The following PTCD2 variants were observed in gnomAD, a reference collection of about 807,000 sequenced individuals.
PTCD2 encodes pentatricopeptide repeat-containing protein 2, mitochondrial.
A neutral mutation model predicts 42.6 loss-of-function variants in PTCD2; 31 were observed. The observed-to-expected ratio is 0.73, with a 90% confidence interval of 0.55 to 0.98. The LOEUF is 0.98. Among genes scored for constraint, PTCD2 ranks in the 50% least tolerant of loss-of-function variants. The pLI, the probability that PTCD2 is intolerant of heterozygous loss-of-function variation, is 0.00. For missense variants in PTCD2, 476 were observed against 454.8 expected, an observed-to-expected ratio of 1.05 and a Z score of -0.42; for synonymous variants, 183 against 170.9, an observed-to-expected ratio of 1.07 and a Z score of -0.55.
chr5:72,349,439 G>A (rs1350045634), intron 8 of PTCD2, among the ~76,000 whole-genome samples: 1 of 152,168 alleles, frequency 6.6e-6, no homozygotes, highest in Non-Finnish European at 1.5e-5. Flanking sequence ...GAAAAAGGAG[G>A]AGAGAATGGA....
intron 3 of PTCD2, among the ~76,000 whole-genome samples, chr5:72,330,218 G>T (rs1277510432): frequency 6.6e-6 from 1 of 152,024 alleles, no homozygotes; most frequent in East Asian, 1.9e-4. Context: ...GGGATTACAG[G>T]TGTGAGCCAC....
chr5:72,358,312 A>T lies in PTCD2; in HGVS notation c.1052A>T (p.Asp351Val), dbSNP rs1462544623. The change falls in exon 10 of 10, where the codon GAT becomes GTT. Residue 351 changes from aspartate (D) to valine (V), a missense_variant. Asp to Val is a radical substitution (Grantham distance 152). Coordinates refer to ENST00000380639, the MANE Select transcript of PTCD2 (RefSeq NM_024754.5). ...ITGQVTTDSL[D>V]AVLCHTPRDR... is the part of the protein sequence containing the mutation. ...GGCCAGGTCACCACTGATTCTTTGG[A>T]TGCTGTGCTCTGCCACACCCCCAGG... 6.2e-7 allele frequency: 1 copy of T among 1,613,978 alleles called. No individual in the cohort carries two copies. Among genetic ancestry groups the T allele is most frequent in the South Asian group, 1.1e-5 (1 of 91,072 alleles).
intron 2 of PTCD2, among the ~76,000 whole-genome samples, chr5:72,323,706 G>A (rs1482982278): frequency 4.6e-5 from 7 of 152,164 alleles, no homozygotes; most frequent in Admixed American, 4.6e-4. Context: ...CTGGAGTGCA[G>A]TTGGCACCAT....
At chr5:72,351,860 G>A (rs1011599847) in intron 8 of PTCD2, among the ~76,000 whole-genome samples, 2 of 152,138 alleles carry the variant, frequency 1.3e-5, no homozygotes, top group Non-Finnish European at 2.9e-5. Context: ...GAGATTGATT[G>A]TCATATCCTC....
At chr5:72,357,783 A>G (rs1283168199) in intron 9 of PTCD2, among the ~76,000 whole-genome samples, 2 of 151,320 alleles carry the variant, frequency 1.3e-5, no homozygotes, top group Admixed American at 6.6e-5. Context: ...GGAATCCCTC[A>G]TAGTAATACT....
At chr5:72,327,381 G>C (rs1285561644) in intron 3 of PTCD2, among the ~76,000 whole-genome samples, 1 of 152,152 alleles carries the variant, frequency 6.6e-6, no homozygotes, top group Non-Finnish European at 1.5e-5. Context: ...GCCAGCAAAG[G>C]CTTCGCTTAC....
intron 7 of PTCD2, among the ~76,000 whole-genome samples, chr5:72,340,645 G>A (rs146944166): frequency 2.6e-5 from 4 of 152,166 alleles, no homozygotes; most frequent in Admixed American, 6.6e-5. Flanking sequence ...ATTCTTTGGA[G>A]GAATGATATC....
chr5:72,326,159 A>C (rs1452075428), intron 2 of PTCD2, among the ~76,000 whole-genome samples: 1 of 152,016 alleles, frequency 6.6e-6, no homozygotes. Context: ...CCTACCTTCA[A>C]CTCACATTTT....
chr5:72,326,838 A>G, intron 3 of PTCD2, 97 bp downstream of exon 3: 1 of 1,220,948 alleles, frequency 8.2e-7, no homozygotes, highest in Non-Finnish European at 1.2e-6. Flanking sequence ...TGCCACCTCT[A>G]TACTAGTGAC....
rs1052285925 is a variant in PTCD2 at position 72,335,607 on chromosome 5, A to G, written c.548-187A>G. The G allele has an allele frequency of 1.4e-4, 66 of 469,086 alleles. 1 individual carries two copies. The highest frequency in any genetic ancestry group is 4.6e-4 in the Admixed American group (12 of 26,276). 29.1% of individuals were successfully genotyped at this position (469,086 alleles called of 1,614,324 possible). A position where few individuals can be genotyped will look rare whatever the true frequency, so the allele number is the denominator to read the frequency against. ...GCTAAAATTGTGAAGCAGCTTTTAA[A>G]ACATTAGTTCTTCCTGTTTGACTTG... On this transcript the variant is annotated intron_variant, in intron 5 of 9. Transcript: ENST00000380639.
In PTCD2 at chr5:72,322,201, G is replaced by A. The variant is rs1413122864; in HGVS notation, c.157G>A (p.Val53Met). The stretch of plus-strand genomic sequence containing the variant: ...AAGATACCTACTTACAGATAATGTG[G>A]TGAAATTAAAAGAATTTCAACAAAA... The part of the protein sequence containing the change: ...AKRYLLTDNV[V>M]KLKEFQQKKV... Residue 53 changes from valine to methionine, a missense_variant, in exon 2 of 10, where the codon GTG (valine) becomes ATG (methionine). Transcript: ENST00000380639. 9 of 1,597,470 alleles carry A rather than the reference G, an allele frequency of 5.6e-6. No homozygotes were observed. The South Asian group carries it at 8.8e-5, about 16-fold the overall frequency.
At chr5:72,347,150 G>T (rs536865584) in intron 8 of PTCD2, among the ~76,000 whole-genome samples, 8 of 152,126 alleles carry the variant, frequency 5.3e-5, no homozygotes, top group Non-Finnish European at 2.9e-5. Context: ...GCAGAGTCAG[G>T]GTTTTAACAC....
intron 8 of PTCD2, among the ~76,000 whole-genome samples, chr5:72,345,470 G>A (rs1203431180): frequency 2.6e-5 from 4 of 152,166 alleles, no homozygotes; most frequent in East Asian, 1.9e-4. Context: ...AGAAGATGAC[G>A]GGATTAAGAG....
chr5:72,332,087 C>G (rs988544416), intron 4 of PTCD2, among the ~76,000 whole-genome samples: 1 of 152,196 alleles, frequency 6.6e-6, no homozygotes, highest in African/African-American at 2.4e-5. Context: ...GACTGCTTTT[C>G]ATGAGGCTGT....
At chr5:72,332,310 T>C (rs1369979206) in intron 4 of PTCD2, among the ~76,000 whole-genome samples, 1 of 152,212 alleles carries the variant, frequency 6.6e-6, no homozygotes, top group Non-Finnish European at 1.5e-5. Context: ...ATACCCATAA[T>C]ATATTAGTAA....
At chr5:72,321,119 G>T (rs917767572) in intron 1 of PTCD2, 3 of 152,552 alleles carry the variant, frequency 2.0e-5, no homozygotes, top group Admixed American at 1.3e-4. Flanking sequence ...CTTTTCTGCA[G>T]AGTTTGGAAG....
chr5:72,335,725 C>T, intron 5 of PTCD2, 69 bp from the exon 6 acceptor site: 2 of 964,512 alleles, frequency 2.1e-6, no homozygotes, highest in Non-Finnish European at 1.7e-6. Flanking sequence ...TGGTGCTGAA[C>T]AGATGAGAGC....
At chr5:72,339,024 C>T (rs947209592) in intron 7 of PTCD2, among the ~76,000 whole-genome samples, 3 of 152,178 alleles carry the variant, frequency 2.0e-5, no homozygotes, top group Admixed American at 2.0e-4. Flanking sequence ...GTAATGTTCT[C>T]AGAGAACAGT....
intron 8 of PTCD2, among the ~76,000 whole-genome samples, chr5:72,352,359 A>G (rs1752664614): frequency 6.6e-6 from 1 of 152,028 alleles, no homozygotes; most frequent in East Asian, 1.9e-4. Flanking sequence ...TGTTGGCCAG[A>G]ATGGTCTCTA....
Sources: gnomAD v4.1 joint callset for allele counts (sites outside exome capture counted in the v4.1 genomes callset) on GRCh38, gnomAD v4.1.1 for gene constraint, MANE v1.5 for transcripts, NCBI Gene and HGNC (gene_info 2026-07-23, HGNC 2026-07-21) for gene names.